FRMD4B: variants seen among roughly 807,000 people sequenced by gnomAD.
The protein encoded by FRMD4B is FERM domain containing 4B, also known as FERM domain-containing protein 4B.
Under a neutral mutation model 141.5 loss-of-function variants are expected in FRMD4B, and 74 were observed. The ratio of observed to expected loss-of-function variants is 0.52; its 90% CI spans 0.43 to 0.63. The LOEUF (loss-of-function observed/expected upper bound fraction) is 0.63. Among genes scored for constraint, FRMD4B ranks in the 30% least tolerant of loss-of-function variants. FRMD4B has a pLI of 0.00. For missense variants in FRMD4B, 1,366 were observed against 1,253.4 expected (o/e 1.09, Z -1.36); for synonymous variants, 506 against 467.9 (o/e 1.08, Z -1.05).
intron 1 of FRMD4B, among the ~76,000 whole-genome samples, chr3:69,473,532 A>C (rs1705930778): frequency 6.6e-6 from 1 of 152,234 alleles, no homozygotes; most frequent in East Asian, 1.9e-4. Flanking sequence ...TCATATAGCC[A>C]TCTTGCATTT....
chr3:69,348,056 A>T (rs1703006853), intron 1 of FRMD4B, among the ~76,000 whole-genome samples: 1 of 152,180 alleles, frequency 6.6e-6, no homozygotes, highest in African/African-American at 2.4e-5. Flanking sequence ...TGGTTTTTTG[A>T]AAAGATCAAC....
In FRMD4B at chr3:69,222,198, C is replaced by T. The variant is rs574724448; in HGVS notation, c.666-275G>A. 1.2e-4 allele frequency among the ~76,000 whole-genome samples: 18 copies of T among 152,074 alleles called. No individual in the cohort carries two copies. The East Asian group carries it at 2.9e-3, about 24-fold the overall frequency. On this transcript the variant is annotated intron_variant, in intron 8 of 22. Coordinates refer to ENST00000398540, the MANE Select transcript of FRMD4B (RefSeq NM_015123.3). ...TTAAAACTTAAAGTGCACAGCCAGG[C>T]GTGGTGGCTCACGCCTGTAATCCCA... is the stretch of plus-strand genomic sequence containing the variant.
intron 1 of FRMD4B, among the ~76,000 whole-genome samples, chr3:69,476,517 T>C (rs1217395879): frequency 1.3e-5 from 2 of 152,204 alleles, no homozygotes; most frequent in Admixed American, 6.5e-5. Flanking sequence ...TAGTTGTAGA[T>C]ATGTGGCATT....
intron 1 of FRMD4B, among the ~76,000 whole-genome samples, chr3:69,468,735 G>GA (rs1427424604): frequency 6.6e-6 from 1 of 152,194 alleles, no homozygotes; most frequent in African/African-American, 2.4e-5. Context: ...AAAGATGACA[G>GA]AGGACAGGGG....
chr3:69,239,536 G>A (rs944724421), intron 7 of FRMD4B, among the ~76,000 whole-genome samples: 40 of 152,258 alleles, frequency 2.6e-4, no homozygotes, highest in African/African-American at 9.4e-4. Context: ...TTAATAATGG[G>A]TAGAAGAAAT....
chr3:69,351,579 T>C (rs1037436816), intron 1 of FRMD4B, among the ~76,000 whole-genome samples: 2 of 152,208 alleles, frequency 1.3e-5, no homozygotes, highest in Admixed American at 6.5e-5. Context: ...CTCATTTGGA[T>C]GCAGCTCCCA....
chr3:69,239,984 C>T (rs1476423991), intron 7 of FRMD4B, among the ~76,000 whole-genome samples: 3 of 151,642 alleles, frequency 2.0e-5, no homozygotes, highest in Non-Finnish European at 2.9e-5. Flanking sequence ...ACCCAAGAGG[C>T]GGAGGTTGCA....
chr3:69,186,137 G>A (rs188473350), intron 19 of FRMD4B, among the ~76,000 whole-genome samples: 1 of 151,204 alleles, frequency 6.6e-6, no homozygotes, highest in East Asian at 1.9e-4. Context: ...AACTTCATTC[G>A]ATTAATATTG....
chr3:69,469,730 G>A (rs1338074017), intron 1 of FRMD4B, among the ~76,000 whole-genome samples: 1 of 152,208 alleles, frequency 6.6e-6, no homozygotes. Flanking sequence ...AAAAATGATA[G>A]TGCTAAGAGC....
chr3:69,487,224 C>A (rs972962), intron 1 of FRMD4B, among the ~76,000 whole-genome samples: 36,102 of 152,014 alleles, frequency 0.24, 4,763 homozygotes, highest in East Asian at 0.42. Flanking sequence ...TGATCCCAGA[C>A]TATAGGCCTG....
intron 3 of FRMD4B, among the ~76,000 whole-genome samples, chr3:69,303,994 A>G (rs1415527270): frequency 6.6e-6 from 1 of 152,124 alleles, no homozygotes; most frequent in Non-Finnish European, 1.5e-5. Flanking sequence ...CAGCTTTTAA[A>G]AAAAGTACAG....
chr3:69,356,283 A>G (rs1703321098), intron 1 of FRMD4B, among the ~76,000 whole-genome samples: 1 of 152,182 alleles, frequency 6.6e-6, no homozygotes, highest in Admixed American at 6.5e-5. Flanking sequence ...CATTTAAGTC[A>G]GTGGGCTGGG....
intron 1 of FRMD4B, among the ~76,000 whole-genome samples, chr3:69,334,930 G>A (rs1702492745): frequency 6.6e-6 from 1 of 152,220 alleles, no homozygotes; most frequent in South Asian, 2.1e-4. Context: ...GGTGATTTCA[G>A]GTCGTGTTAA....
intron 7 of FRMD4B, among the ~76,000 whole-genome samples, chr3:69,241,868 C>A (rs2093386753): frequency 7.0e-6 from 1 of 142,506 alleles, no homozygotes. Flanking sequence ...GGATCCATCT[C>A]AAAAAAACAA....
chr3:69,457,405 AAG>A (rs891773919), intron 1 of FRMD4B, among the ~76,000 whole-genome samples: 4 of 152,326 alleles, frequency 2.6e-5, no homozygotes, highest in Admixed American at 2.0e-4. Context: ...TGTAATAAGA[AAG>A]AGAGAAAATA....
intron 7 of FRMD4B, chr3:69,228,387 GC>G (rs1323435101): frequency 3.5e-5 from 16 of 456,930 alleles, no homozygotes; most frequent in Non-Finnish European, 6.6e-5. Flanking sequence ...AACTGGGTAA[GC>G]GAGCTGAGAA....
At chr3:69,282,165 T>C (rs2093647727) in intron 5 of FRMD4B, among the ~76,000 whole-genome samples, 1 of 152,192 alleles carries the variant, frequency 6.6e-6, no homozygotes. Flanking sequence ...TAAGAAGACA[T>C]TGTGGTTTTA....
At chr3:69,481,446 T>G (rs1248241294) in intron 1 of FRMD4B, among the ~76,000 whole-genome samples, 4 of 152,202 alleles carry the variant, frequency 2.6e-5, no homozygotes, top group Non-Finnish European at 4.4e-5. Flanking sequence ...CTATCAGGAC[T>G]TTTTTGGTTA....
chr3:69,357,199 T>C (rs1703349151), intron 1 of FRMD4B, among the ~76,000 whole-genome samples: 1 of 152,182 alleles, frequency 6.6e-6, no homozygotes, highest in Non-Finnish European at 1.5e-5. Flanking sequence ...ATAGGAGTTT[T>C]GTAATCAGTA....
Sources: gnomAD v4.1 joint callset for allele counts (sites outside exome capture counted in the v4.1 genomes callset) on GRCh38, gnomAD v4.1.1 for gene constraint, MANE v1.5 for transcripts, NCBI Gene and HGNC (gene_info 2026-07-23, HGNC 2026-07-21) for gene names.